The following CNTN3 variants were observed in gnomAD, a reference collection of about 807,000 sequenced individuals.
CNTN3 encodes contactin 3, also known as contactin-3.
A neutral mutation model predicts 119.1 loss-of-function variants in CNTN3; 60 were observed. The observed-to-expected ratio is 0.50, with a 90% confidence interval of 0.41 to 0.62. CNTN3 has a LOEUF of 0.62. Among genes scored for constraint, CNTN3 ranks in the 20% least tolerant of loss-of-function variants. The probability of loss-of-function intolerance (pLI) is 0.00; values close to 1 mark genes in which losing one functional copy is unlikely to be tolerated. For missense variants in CNTN3, 1,101 were observed against 1,242.4 expected (o/e 0.89, Z 1.71); for synonymous variants, 450 against 438.7 (o/e 1.03, Z -0.32).
chr3:74,494,122 GCTC>G, intron 3 of CNTN3, among the ~76,000 whole-genome samples: 1 of 151,982 alleles, frequency 6.6e-6, no homozygotes, highest in Non-Finnish European at 1.5e-5. Context: ...CCTGGTAGCA[GCTC>G]CTCTATTCTC....
chr3:74,596,948 C>T (rs1486122513), intron 1 of CNTN3, among the ~76,000 whole-genome samples: 1 of 152,066 alleles, frequency 6.6e-6, no homozygotes, highest in Non-Finnish European at 1.5e-5. Context: ...AATCCCGTTA[C>T]CTTCCAGTGA....
intron 3 of CNTN3, among the ~76,000 whole-genome samples, chr3:74,497,846 A>T (rs778088313): frequency 2.0e-5 from 3 of 151,988 alleles, no homozygotes; most frequent in Non-Finnish European, 4.4e-5. Flanking sequence ...CTTCTTTATC[A>T]ACATTTTACA....
At chr3:74,498,686 A>G (rs1242091805) in intron 3 of CNTN3, among the ~76,000 whole-genome samples, 2 of 151,832 alleles carry the variant, frequency 1.3e-5, no homozygotes, top group Admixed American at 6.6e-5. Context: ...GCTCAATAAG[A>G]TCTAAATTAC....
At chr3:74,395,765 T>C (rs776475590) in intron 5 of CNTN3, among the ~76,000 whole-genome samples, 1 of 152,164 alleles carries the variant, frequency 6.6e-6, no homozygotes, top group African/African-American at 2.4e-5. Flanking sequence ...ATTGTGTGTG[T>C]GTGTTTTTTT....
Position 74,521,046 on chromosome 3 carries a change from ATT to A in CNTN3, c.55+10_55+11del. The A allele has an allele frequency of 1.3e-6, 2 of 1,544,044 alleles. No homozygotes were observed. Among genetic ancestry groups the A allele is most frequent in the Non-Finnish European group, 1.8e-6 (2 of 1,130,772 alleles). ...CTAACCTCAACTTAGAAAATATAGG[ATT>A]TTTTTTTACCTCCTAAGCAGCCAAT... On this transcript the variant is annotated intron_variant, in intron 2 of 22. Transcript: ENST00000263665.
chr3:74,600,811 G>C (rs1013038457), intron 1 of CNTN3, among the ~76,000 whole-genome samples: 1 of 151,982 alleles, frequency 6.6e-6, no homozygotes, highest in African/African-American at 2.4e-5. Flanking sequence ...AGCATGCCAG[G>C]CCAGATTTTT....
intron 1 of CNTN3, among the ~76,000 whole-genome samples, chr3:74,609,953 G>A (rs1347658820): frequency 6.6e-6 from 1 of 152,062 alleles, no homozygotes; most frequent in African/African-American, 2.4e-5. Flanking sequence ...CCTCATTCAG[G>A]GTAGGAAGGA....
intron 3 of CNTN3, among the ~76,000 whole-genome samples, chr3:74,493,122 T>G (rs1427916988): frequency 6.6e-6 from 1 of 152,136 alleles, no homozygotes. Context: ...TTATTATTAT[T>G]TAACATATTA....
At chr3:74,282,417 A>G (rs1414538168) in intron 20 of CNTN3, among the ~76,000 whole-genome samples, 1 of 152,200 alleles carries the variant, frequency 6.6e-6, no homozygotes, top group Admixed American at 6.5e-5. Flanking sequence ...GAGGAAGTAC[A>G]TTTGATTAAT....
At chr3:74,400,572 C>A (rs1329341719) in intron 5 of CNTN3, among the ~76,000 whole-genome samples, 1 of 152,104 alleles carries the variant, frequency 6.6e-6, no homozygotes, top group Non-Finnish European at 1.5e-5. Flanking sequence ...AATCATTGGG[C>A]CATCTTAGGT....
At chr3:74,478,759 A>G (rs1161464881) in intron 4 of CNTN3, among the ~76,000 whole-genome samples, 1 of 152,174 alleles carries the variant, frequency 6.6e-6, no homozygotes, top group African/African-American at 2.4e-5. Flanking sequence ...GATAGCTGCA[A>G]AAAGGTTTCC....
intron 1 of CNTN3, among the ~76,000 whole-genome samples, chr3:74,594,600 T>C (rs1227439885): frequency 3.9e-5 from 6 of 152,146 alleles, no homozygotes; most frequent in African/African-American, 1.4e-4. Context: ...TCCAATTTCA[T>C]CCATGTCCCT....
At chr3:74,590,996 A>C (rs141444031) in intron 1 of CNTN3, among the ~76,000 whole-genome samples, 1 of 152,186 alleles carries the variant, frequency 6.6e-6, no homozygotes, top group East Asian at 1.9e-4. Context: ...TCAGATATTT[A>C]GCTGACTACT....
chr3:74,431,844 C>A (rs967444863), intron 4 of CNTN3, among the ~76,000 whole-genome samples: 4 of 152,166 alleles, frequency 2.6e-5, no homozygotes, highest in Non-Finnish European at 5.9e-5. Context: ...TGCTTTATAT[C>A]TACTTGTGAT....
intron 5 of CNTN3, among the ~76,000 whole-genome samples, chr3:74,399,626 G>A (rs1705142263): frequency 6.6e-6 from 1 of 152,120 alleles, no homozygotes; most frequent in Admixed American, 6.5e-5. Flanking sequence ...CTTTATAACA[G>A]AATGATTTAT....
At chr3:74,269,303 C>A (rs989269842) in intron 20 of CNTN3, among the ~76,000 whole-genome samples, 3 of 151,900 alleles carry the variant, frequency 2.0e-5, no homozygotes, top group African/African-American at 7.3e-5. Flanking sequence ...GAATTTAATG[C>A]CTTATATAAA....
chr3:74,347,626 T>C (rs1703724994), intron 11 of CNTN3, among the ~76,000 whole-genome samples: 2 of 152,240 alleles, frequency 1.3e-5, no homozygotes, highest in Admixed American at 1.3e-4. Context: ...CACTTATTTA[T>C]ATTTTTTCTG....
At chr3:74,585,997 C>T (rs1704586912) in intron 1 of CNTN3, among the ~76,000 whole-genome samples, 1 of 152,034 alleles carries the variant, frequency 6.6e-6, no homozygotes, top group African/African-American at 2.4e-5. Flanking sequence ...AGTAGAATAC[C>T]AACCCACTGG....
At chr3:74,573,988 A>G (rs1202830204) in intron 1 of CNTN3, among the ~76,000 whole-genome samples, 1 of 152,208 alleles carries the variant, frequency 6.6e-6, no homozygotes, top group African/African-American at 2.4e-5. Context: ...TTACAAAAAA[A>G]GTACACAAAT....
Sources: gnomAD v4.1 joint callset for allele counts (sites outside exome capture counted in the v4.1 genomes callset) on GRCh38, gnomAD v4.1.1 for gene constraint, MANE v1.5 for transcripts, NCBI Gene and HGNC (gene_info 2026-07-23, HGNC 2026-07-21) for gene names.